The following TANGO6 variants were observed in gnomAD, a reference collection of about 807,000 sequenced individuals.
TANGO6 encodes transport and Golgi organization protein 6 homolog.
Under a neutral mutation model 114.2 loss-of-function variants are expected in TANGO6, and 90 were observed. The ratio of observed to expected loss-of-function variants is 0.79; its 90% CI spans 0.66 to 0.94. TANGO6 has a LOEUF of 0.94. Among genes scored for constraint, TANGO6 ranks in the 40% least tolerant of loss-of-function variants. TANGO6 has a pLI of 0.00. For synonymous variants in TANGO6, 477 were observed against 509.8 expected (o/e 0.94, Z 0.87); for missense variants, 1,274 against 1,315.3 (o/e 0.97, Z 0.49).
intron 12 of TANGO6, among the ~76,000 whole-genome samples, chr16:68,921,189 C>CT (rs987436536): frequency 5.1e-4 from 66 of 128,280 alleles, no homozygotes; most frequent in East Asian, 1.0e-3. Context: ...TTTTTCTTTT[C>CT]TTTTTTTTTT....
chr16:68,996,870 A>T (rs1356925486), intron 15 of TANGO6, among the ~76,000 whole-genome samples: 1 of 152,218 alleles, frequency 6.6e-6, no homozygotes, highest in Non-Finnish European at 1.5e-5. Context: ...TAAACACTCT[A>T]ATTGAGATCC....
chr16:68,920,878 C>A (rs1415126509), intron 12 of TANGO6, among the ~76,000 whole-genome samples: 1 of 151,682 alleles, frequency 6.6e-6, no homozygotes, highest in South Asian at 2.1e-4. Context: ...GTTTGGGAGG[C>A]CGAGGTGGGC....
intron 17 of TANGO6, among the ~76,000 whole-genome samples, chr16:69,061,755 C>T (rs1210950399): frequency 6.6e-6 from 1 of 152,062 alleles, no homozygotes; most frequent in African/African-American, 2.4e-5. Context: ...CGCGGTGGCT[C>T]ACGCCTGTAA....
intron 15 of TANGO6, among the ~76,000 whole-genome samples, chr16:69,019,828 G>A (rs1419463531): frequency 4.6e-5 from 7 of 152,116 alleles, no homozygotes; most frequent in East Asian, 1.9e-4. Flanking sequence ...ATGAGCCACC[G>A]TGCCCAGCCT....
chr16:68,934,306 A>G (rs909425696), intron 14 of TANGO6, among the ~76,000 whole-genome samples: 4 of 152,124 alleles, frequency 2.6e-5, no homozygotes, highest in African/African-American at 9.7e-5. Flanking sequence ...CAGCCTCCCA[A>G]AGTGCTGGGA....
chr16:68,870,602 T>C (rs2152164258), intron 4 of TANGO6, among the ~76,000 whole-genome samples: 1 of 152,294 alleles, frequency 6.6e-6, no homozygotes, highest in East Asian at 1.9e-4. Context: ...CCCCAACTTG[T>C]GCATGTATAT....
chr16:68,857,594 A>G (rs1337692862), intron 1 of TANGO6, among the ~76,000 whole-genome samples: 1 of 152,110 alleles, frequency 6.6e-6, no homozygotes, highest in African/African-American at 2.4e-5. Flanking sequence ...GAAACTGCCA[A>G]ACTGTCTTCC....
At chr16:69,034,131 C>A in intron 16 of TANGO6, 1 of 154,376 alleles carries the variant, frequency 6.5e-6, no homozygotes, top group South Asian at 1.8e-4. Flanking sequence ...GCCAAGCTTT[C>A]CATTGTCCCT....
intron 17 of TANGO6, among the ~76,000 whole-genome samples, chr16:69,068,505 A>G (rs1354911435): frequency 6.6e-6 from 1 of 152,204 alleles, no homozygotes; most frequent in Non-Finnish European, 1.5e-5. Flanking sequence ...CATACCTGGC[A>G]TATACCAAGT....
At chr16:68,847,999 CA>C (rs1329686470) in intron 1 of TANGO6, among the ~76,000 whole-genome samples, 2,144 of 62,344 alleles carry the variant, frequency 0.034, 32 homozygotes, top group African/African-American at 0.1. Flanking sequence ...GACTCCATCA[CA>C]AAAAAAAAAA....
intron 7 of TANGO6, among the ~76,000 whole-genome samples, chr16:68,894,498 C>T (rs904976160): frequency 6.6e-6 from 1 of 152,006 alleles, no homozygotes; most frequent in South Asian, 2.1e-4. Flanking sequence ...TTACAGAAGC[C>T]GCTGTCCATG....
chr16:68,910,354 C>G (rs182954313), intron 11 of TANGO6, among the ~76,000 whole-genome samples: 1 of 152,150 alleles, frequency 6.6e-6, no homozygotes, highest in Non-Finnish European at 1.5e-5. Flanking sequence ...TCACTGACCC[C>G]GTGTTACTCA....
chr16:68,882,383 G>C (rs961216304), intron 7 of TANGO6, among the ~76,000 whole-genome samples: 32 of 151,998 alleles, frequency 2.1e-4, no homozygotes, highest in Non-Finnish European at 2.6e-4. Flanking sequence ...TGTAGTCCCA[G>C]CTACTCGGGA....
chr16:69,022,900 C>T lies in TANGO6; in HGVS notation c.2915C>T (p.Ala972Val), dbSNP rs760599689. ...FLRGVRDPDGAHRASSLANLG... is the reference protein window; with the variant it reads ...FLRGVRDPDGVHRASSLANLG... ...AGGGGAGTGAGAGATCCTGATGGTG[C>T]TCACAGGGCCAGCAGCTTGGCCAAC... is the stretch of plus-strand genomic sequence containing the variant. Residue 972 changes from alanine (A) to valine (V), a missense_variant, in exon 16 of 18, where the codon GCT becomes GTT. Physicochemically the swap from Ala to Val is moderately conservative, Grantham distance 64. Transcript: ENST00000261778. The T allele has an allele frequency of 6.3e-7, 1 of 1,599,232 alleles. No individual in the cohort carries two copies. Among genetic ancestry groups the T allele is most frequent in the South Asian group, 1.1e-5 (1 of 88,336 alleles).
chr16:68,909,390 A>C lies in TANGO6; in HGVS notation c.1980A>C (p.Thr660=), dbSNP rs1193371536. 6.5e-7 allele frequency: 1 copy of C among 1,538,544 alleles called. No individual in the cohort carries two copies. The highest frequency in any genetic ancestry group is 8.8e-7 in the Non-Finnish European group (1 of 1,137,396). ...LCERMSEQIF[T]NVTQVVDFVA... ...AGAGAATGTCTGAGCAGATATTCAC[A>C]AACGTCACTCAGGTCAGTAGTTGCC... is the stretch of plus-strand genomic sequence containing the variant. The change falls in exon 11 of 18, where the codon ACA becomes ACC. Residue 660 remains threonine, a synonymous_variant. Transcript: ENST00000261778.
At chr16:69,073,468 G>A (rs1960325714) in intron 17 of TANGO6, among the ~76,000 whole-genome samples, 1 of 152,194 alleles carries the variant, frequency 6.6e-6, no homozygotes, top group Admixed American at 6.5e-5. Context: ...CACCTGGGAG[G>A]GTTCGTGCCT....
At chr16:68,992,329 G>T (rs1348304454) in intron 15 of TANGO6, among the ~76,000 whole-genome samples, 1 of 152,084 alleles carries the variant, frequency 6.6e-6, no homozygotes, top group Non-Finnish European at 1.5e-5. Flanking sequence ...TTTTGATCTC[G>T]ACTCTAACCT....
intron 17 of TANGO6, among the ~76,000 whole-genome samples, chr16:69,045,924 C>T (rs1464761926): frequency 6.8e-6 from 1 of 146,334 alleles, no homozygotes; most frequent in African/African-American, 2.5e-5. Flanking sequence ...ATTAGCCGGG[C>T]GTGGTGTCAC....
At chr16:68,885,899 C>T (rs2152173721) in intron 7 of TANGO6, among the ~76,000 whole-genome samples, 1 of 152,224 alleles carries the variant, frequency 6.6e-6, no homozygotes, top group African/African-American at 2.4e-5. Context: ...TTTCTTTTGC[C>T]TGTATACCTT....
Sources: gnomAD v4.1 joint callset for allele counts (sites outside exome capture counted in the v4.1 genomes callset) on GRCh38, gnomAD v4.1.1 for gene constraint, MANE v1.5 for transcripts, NCBI Gene and HGNC (gene_info 2026-07-23, HGNC 2026-07-21) for gene names.